Variants in CNST observed in about 807,000 individuals in gnomAD.
The protein encoded by CNST is consortin.
A neutral mutation model predicts 72.4 loss-of-function variants in CNST; 39 were observed. The ratio of observed to expected loss-of-function variants is 0.54; its 90% CI spans 0.42 to 0.70. CNST has a LOEUF of 0.70. CNST is among the 30% of genes least tolerant of loss of function. The pLI is 0.00. For synonymous variants in CNST, 332 were observed against 320.1 expected (o/e 1.04, Z -0.40); for missense variants, 871 against 868.5 (o/e 1.00, Z -0.04).
At chr1:246,591,005 TA>T (rs1184017981) in intron 1 of CNST, among the ~76,000 whole-genome samples, 3 of 152,138 alleles carry the variant, frequency 2.0e-5, no homozygotes, top group Admixed American at 1.3e-4. Flanking sequence ...TTTTCTAGGT[TA>T]TTTTTTTTTA....
intron 8 of CNST, among the ~76,000 whole-genome samples, chr1:246,644,993 TTGAG>T (rs546555468): frequency 8.5e-5 from 13 of 152,256 alleles, no homozygotes; most frequent in African/African-American, 3.1e-4. Flanking sequence ...CTTACAAACT[TTGAG>T]TGATTCTTTG....
intron 2 of CNST, chr1:246,606,419 C>T (rs1434435471): frequency 1.3e-5 from 2 of 152,036 alleles, no homozygotes; most frequent in Non-Finnish European, 2.9e-5. Context: ...CCATTATCAT[C>T]TATGTTAAGA....
At chr1:246,619,154 G>GAA (rs397983629) in intron 2 of CNST, among the ~76,000 whole-genome samples, 6,799 of 145,250 alleles carry the variant, frequency 0.047, 335 homozygotes, top group African/African-American at 0.13. Context: ...AGAGAAAAGG[G>GAA]AAAAAAAAAA....
chr1:246,568,618 C>T (rs1231394122), intron 1 of CNST, among the ~76,000 whole-genome samples: 1 of 152,210 alleles, frequency 6.6e-6, no homozygotes, highest in African/African-American at 2.4e-5. Context: ...ATGGAGTCTA[C>T]TCTGTCGCCT....
chr1:246,619,864 C>T (rs953744130), intron 2 of CNST, among the ~76,000 whole-genome samples: 2 of 149,322 alleles, frequency 1.3e-5, no homozygotes, highest in African/African-American at 4.9e-5. Flanking sequence ...TGCATACACA[C>T]GATGGGCTCT....
At position 246,667,704 on chromosome 1, in the gene CNST, T is replaced by C. The variant is rs1160063337; in HGVS notation, c.*1799T>C. The C allele has an allele frequency of 1.3e-5, 2 of 152,266 alleles. No homozygotes were observed. The highest frequency in any genetic ancestry group is 2.9e-5 in the Non-Finnish European group (2 of 68,048). 9.4% of individuals were successfully genotyped at this position (152,266 alleles called of 1,614,324 possible). ...GACGGTACTATATTAAGTGGTTCTA[T>C]AAAAGCTATTCACAAGTTCTACTGT... On this transcript the variant is annotated 3_prime_UTR_variant, in exon 11 of 11. Coordinates refer to ENST00000366513, the MANE Select transcript of CNST (RefSeq NM_152609.3).
At position 246,647,156 on chromosome 1, in the gene CNST, G is replaced by A. The variant is rs571673638; in HGVS notation, c.955G>A (p.Gly319Ser). Residue 319 changes from glycine to serine, a missense_variant, in exon 9 of 11, where the codon GGC (glycine) becomes AGC (serine). Coordinates refer to ENST00000366513, the MANE Select transcript of CNST (RefSeq NM_152609.3). ...TKESESKTCL[G>S]TESSKESQHT... Reference sequence around the variant, plus strand: ...ATCTTTAGAGAGTAAAACTTGTCTCGGCACAGAGTCAAGTAAAGAAAGCCA... The same window carrying A: ...ATCTTTAGAGAGTAAAACTTGTCTCAGCACAGAGTCAAGTAAAGAAAGCCA... 4.3e-6 allele frequency: 7 copies of A among 1,609,956 alleles called. No individual in the cohort carries two copies. The highest frequency in any genetic ancestry group is 1.3e-5 in the African/African-American group (1 of 74,610).
At chr1:246,610,749 C>T (rs1663261672) in intron 2 of CNST, among the ~76,000 whole-genome samples, 1 of 152,008 alleles carries the variant, frequency 6.6e-6, no homozygotes, top group South Asian at 2.1e-4. Context: ...CTTCTGCTTG[C>T]ACTAAGTTGA....
At position 246,647,323 on chromosome 1, in the gene CNST, C is replaced by T. The variant is rs777798745; in HGVS notation, c.1122C>T (p.His374=). Residue 374 remains histidine (H), a synonymous_variant, in exon 9 of 11, where the codon CAC becomes CAT. Coordinates refer to ENST00000366513, the MANE Select transcript of CNST (RefSeq NM_152609.3). ...GCGCTGAAGCCACGTTAGCGCTCCA[C>T]ACCCAGTCCTCCGAGACAGCAGGGA... ...LCSAEATLAL[H]TQSSETAGSP... The T allele has an allele frequency of 1.2e-6, 2 of 1,614,168 alleles. No individual in the cohort carries two copies. The highest frequency in any genetic ancestry group is 1.7e-6 in the Non-Finnish European group (2 of 1,180,026).
At chr1:246,623,517 C>T (rs1278187541) in intron 3 of CNST, among the ~76,000 whole-genome samples, 4 of 151,994 alleles carry the variant, frequency 2.6e-5, no homozygotes, top group African/African-American at 9.7e-5. Context: ...TTTGGGAGGC[C>T]GAGGTGGGTG....
chr1:246,636,464 T>C (rs1665251766), intron 6 of CNST, among the ~76,000 whole-genome samples: 1 of 152,146 alleles, frequency 6.6e-6, no homozygotes, highest in South Asian at 2.1e-4. Flanking sequence ...GACACATTCG[T>C]GGTAAGCGCG....
At chr1:246,631,479 ATTTAT>A (rs1664770682) in intron 3 of CNST, among the ~76,000 whole-genome samples, 1 of 152,148 alleles carries the variant, frequency 6.6e-6, no homozygotes, top group African/African-American at 2.4e-5. Context: ...TTTATTAATT[ATTTAT>A]TTATGTTTGC....
chr1:246,621,053 A>T (rs1419679203), intron 2 of CNST, among the ~76,000 whole-genome samples: 2 of 152,262 alleles, frequency 1.3e-5, no homozygotes, highest in Admixed American at 6.5e-5. Flanking sequence ...GTGAAGGGTG[A>T]AGTTATAATT....
intron 2 of CNST, chr1:246,606,877 C>T (rs1034146250): frequency 6.6e-6 from 1 of 151,850 alleles, no homozygotes; most frequent in Non-Finnish European, 1.5e-5. Flanking sequence ...GCCTGGGTTC[C>T]CCATATCCAA....
chr1:246,635,230 C>T (rs1357811356), intron 6 of CNST, among the ~76,000 whole-genome samples: 2 of 151,708 alleles, frequency 1.3e-5, no homozygotes. Context: ...AAAATTTTGG[C>T]GTATTCTTGA....
intron 10 of CNST, among the ~76,000 whole-genome samples, chr1:246,662,351 A>G (rs1667142580): frequency 6.6e-6 from 1 of 152,202 alleles, no homozygotes; most frequent in African/African-American, 2.4e-5. Context: ...TAGCCATGTT[A>G]AAGTGAAAAG....
intron 9 of CNST, among the ~76,000 whole-genome samples, chr1:246,652,019 C>G (rs1242310573): frequency 6.6e-6 from 1 of 152,208 alleles, no homozygotes; most frequent in East Asian, 1.9e-4. Context: ...TAACAGTCGT[C>G]TGGCACCAAG....
chr1:246,574,082 C>T (rs965570262), intron 1 of CNST, among the ~76,000 whole-genome samples: 1 of 152,174 alleles, frequency 6.6e-6, no homozygotes, highest in Non-Finnish European at 1.5e-5. Context: ...CTCTGTTGCC[C>T]AGGCTGGAGT....
At chr1:246,609,599 G>T (rs570604516) in intron 2 of CNST, among the ~76,000 whole-genome samples, 9 of 152,218 alleles carry the variant, frequency 5.9e-5, no homozygotes, top group African/African-American at 2.2e-4. Flanking sequence ...AGTGAGCATT[G>T]TCCTTCACCC....
Sources: allele counts gnomAD v4.1 joint callset (sites outside exome capture counted in the v4.1 genomes callset), GRCh38; gene constraint gnomAD v4.1.1; transcripts MANE v1.5; gene names NCBI Gene and HGNC (gene_info 2026-07-23, HGNC 2026-07-21).